The following COBLL1 variants were observed in gnomAD, a reference collection of about 807,000 sequenced individuals.
COBLL1 encodes cordon-bleu protein-like 1.
Under a neutral mutation model 94.8 loss-of-function variants are expected in COBLL1, and 50 were observed. That is an observed-to-expected ratio of 0.53 (90% confidence interval 0.42 to 0.67). The LOEUF (loss-of-function observed/expected upper bound fraction) is 0.67. Ranked by LOEUF, COBLL1 falls within the 30% of genes least tolerant of loss-of-function variation. The pLI is 0.00. For synonymous variants in COBLL1, 448 were observed against 473.8 expected (o/e 0.95, Z 0.71); for missense variants, 1,362 against 1,348.7 (o/e 1.01, Z -0.15).
chr2:164,834,790 T>A (rs939040543), intron 2 of COBLL1, among the ~76,000 whole-genome samples: 3 of 152,136 alleles, frequency 2.0e-5, no homozygotes, highest in African/African-American at 7.2e-5. Flanking sequence ...GGATAACAGA[T>A]TAACATCCAG....
chr2:164,663,592 A>T (rs1275941803), intron 2 of COBLL1, among the ~76,000 whole-genome samples: 1 of 152,242 alleles, frequency 6.6e-6, no homozygotes, highest in Non-Finnish European at 1.5e-5. Flanking sequence ...TATGTGGTAC[A>T]TATACACCAT....
At chr2:164,808,047 T>A (rs762955053) in intron 2 of COBLL1, among the ~76,000 whole-genome samples, 13 of 152,126 alleles carry the variant, frequency 8.5e-5, no homozygotes, top group Non-Finnish European at 1.8e-4. Flanking sequence ...CTTAAACTCC[T>A]TATCTCAAGT....
At chr2:164,688,636 C>A (rs1350039856) in intron 13 of COBLL1, among the ~76,000 whole-genome samples, 1 of 152,092 alleles carries the variant, frequency 6.6e-6, no homozygotes, top group Non-Finnish European at 1.5e-5. Context: ...ATAACAATTT[C>A]TATCATTTAC....
intron 2 of COBLL1, among the ~76,000 whole-genome samples, chr2:164,779,356 T>C (rs1688629562): frequency 6.6e-6 from 1 of 152,108 alleles, no homozygotes; most frequent in Non-Finnish European, 1.5e-5. Context: ...TCTCTCTTGA[T>C]AACTTGAAGG....
intron 3 of COBLL1, among the ~76,000 whole-genome samples, chr2:164,741,397 A>T (rs1005780915): frequency 2.0e-5 from 3 of 152,096 alleles, no homozygotes; most frequent in Admixed American, 1.3e-4. Flanking sequence ...GACTCCTTTA[A>T]TTTGACATTG....
At chr2:164,821,615 T>A (rs1011739808) in intron 2 of COBLL1, among the ~76,000 whole-genome samples, 1 of 152,188 alleles carries the variant, frequency 6.6e-6, no homozygotes, top group Non-Finnish European at 1.5e-5. Context: ...CAAGGCCTTT[T>A]CATTAGGAAC....
chr2:164,694,336 G>C lies in COBLL1; in HGVS notation c.3056C>G (p.Thr1019Arg). 1 of 1,613,928 alleles carries C rather than the reference G, an allele frequency of 6.2e-7. No homozygotes were observed. Among genetic ancestry groups the C allele is most frequent in the Non-Finnish European group, 8.5e-7 (1 of 1,179,894 alleles). Residue 1019 changes from threonine to arginine, a missense_variant, in exon 12 of 14, where the codon ACA (threonine) becomes AGA (arginine). By Grantham distance (71) the Thr-to-Arg change is moderately conservative. Transcript: ENST00000652658. ...TACAGAATGAGTCTTCCCTTCCTCT[G>C]TGTTGGCTGGAGGTTGGACCAATGC... is the stretch of plus-strand genomic sequence containing the variant. ...ASALVQPPAN[T>R]EEGKTHSVNK... is the part of the protein sequence containing the mutation.
In COBLL1 at chr2:164,779,836, G is replaced by C. The variant is rs911981540; in HGVS notation, c.42-35961C>G. 8 of 440,068 alleles carry C rather than the reference G, an allele frequency of 1.8e-5. 1 individual carries two copies. The highest frequency in any genetic ancestry group is 8.4e-5 in the South Asian group (5 of 59,878). The allele number at this position is 440,068 out of a possible 1,614,324, so 27.3% of individuals were successfully genotyped here. ...TGATAGCACTCTGCAAATTTAGACC[G>C]AACATTAAAGGGAGGGTAGGGAATG... is the stretch of plus-strand genomic sequence containing the variant. On this transcript the variant is annotated intron_variant, in intron 2 of 13. Transcript: ENST00000652658.
At position 164,730,068 on chromosome 2, in the gene COBLL1, A is replaced by G. The variant is rs1372125461; in HGVS notation, c.278T>C (p.Leu93Ser). 6.2e-7 allele frequency: 1 copy of G among 1,613,990 alleles called. No individual in the cohort carries two copies. The highest frequency in any genetic ancestry group is 1.7e-5 in the Admixed American group (1 of 60,004). ...ATCGATTGTGTAACTTGATGGATTT[A>G]AGTGATACTGTGCACAAAGGAATAT... ...LLIFLCAQYHLNPSSYTIDLL... is the reference protein window; with the variant it reads ...LLIFLCAQYHSNPSSYTIDLL... The change falls in exon 4 of 14, where the codon TTA becomes TCA. Residue 93 changes from leucine to serine, a missense_variant. Physicochemically the swap from Leu to Ser is moderately radical, Grantham distance 145. Coordinates refer to ENST00000652658, the MANE Select transcript of COBLL1 (RefSeq NM_001365672.2).
At chr2:164,740,134 A>G (rs967497832) in intron 3 of COBLL1, among the ~76,000 whole-genome samples, 8 of 152,192 alleles carry the variant, frequency 5.3e-5, no homozygotes, top group Admixed American at 5.2e-4. Context: ...CAAAGTCCCT[A>G]AATGAAACCC....
chr2:164,683,643 TA>T lies in COBLL1; in HGVS notation c.*2302del. Reference sequence around the variant, plus strand: ...TTCAGTCTTTCTTGGTTCCCACAGGTAACCACCAGCAAATTTTTTTCCTACA... The same window carrying T: ...TTCAGTCTTTCTTGGTTCCCACAGGTACCACCAGCAAATTTTTTTCCTACA... On this transcript the variant is annotated 3_prime_UTR_variant, in exon 14 of 14. Transcript: ENST00000652658. 6.6e-6 allele frequency: 1 copy of T among 152,294 alleles called. No individual in the cohort carries two copies. The highest frequency in any genetic ancestry group is 3.4e-3 in the Middle Eastern group (1 of 294). The allele number at this position is 152,294 out of a possible 1,614,324, so 9.4% of individuals were successfully genotyped here. A position where few individuals can be genotyped will look rare whatever the true frequency, so the allele number is the denominator to read the frequency against.
At chr2:164,660,765 C>T (rs1691057369) in intron 2 of COBLL1, among the ~76,000 whole-genome samples, 1 of 152,118 alleles carries the variant, frequency 6.6e-6, no homozygotes, top group African/African-American at 2.4e-5. Context: ...AATTTGCATC[C>T]ATTTTAACTA....
intron 1 of COBLL1, among the ~76,000 whole-genome samples, chr2:164,671,659 T>A (rs559409158): frequency 1.4e-4 from 22 of 152,176 alleles, no homozygotes; most frequent in Non-Finnish European, 2.8e-4. Flanking sequence ...TCATATTGCT[T>A]CCAGAGCTTT....
rs761837679 is a variant in COBLL1 at position 164,695,776 on chromosome 2, A to G, written c.1616T>C (p.Val539Ala). ...TTCTACATTGATTTCTGTTTTCTTC[A>G]CTCCATTTTTCATATTGTCTTCTGT... Reference protein sequence around the residue: ...ENTEDNMKNGVKKTEINVEGV... With the variant: ...ENTEDNMKNGAKKTEINVEGV... The change falls in exon 12 of 14, where the codon GTG becomes GCG. Residue 539 changes from valine to alanine, a missense_variant. By Grantham distance (64) the Val-to-Ala change is moderately conservative. Coordinates refer to ENST00000652658, the MANE Select transcript of COBLL1 (RefSeq NM_001365672.2). The G allele has an allele frequency of 3.1e-6, 5 of 1,610,872 alleles. No individual in the cohort carries two copies. The highest frequency in any genetic ancestry group is 4.2e-6 in the Non-Finnish European group (5 of 1,178,762).
At chr2:164,744,715 G>A (rs1686780356) in intron 2 of COBLL1, among the ~76,000 whole-genome samples, 1 of 152,080 alleles carries the variant, frequency 6.6e-6, no homozygotes, top group Admixed American at 6.6e-5. Flanking sequence ...GCACATAGAT[G>A]GCTATTTCCC....
intron 2 of COBLL1, among the ~76,000 whole-genome samples, chr2:164,777,251 T>C (rs355882): frequency 0.24 from 35,998 of 151,818 alleles, 5,025 homozygotes; most frequent in African/African-American, 0.38. Flanking sequence ...TACTATTGGT[T>C]TTATTTAAAA....
chr2:164,772,414 T>G (rs1481532353), intron 2 of COBLL1, among the ~76,000 whole-genome samples: 2 of 152,056 alleles, frequency 1.3e-5, no homozygotes, highest in African/African-American at 4.8e-5. Context: ...AGTCAATGAT[T>G]CTATTGACTA....
intron 12 of COBLL1, among the ~76,000 whole-genome samples, chr2:164,693,719 G>C (rs1683740570): frequency 6.6e-6 from 1 of 152,086 alleles, no homozygotes; most frequent in Non-Finnish European, 1.5e-5. Flanking sequence ...GGGGAATTAA[G>C]AAAATTACAT....
chr2:164,792,155 G>A lies in COBLL1; in HGVS notation c.42-48280C>T, dbSNP rs537207491. Among the ~76,000 whole-genome samples the A allele has an allele frequency of 1.5e-3, 220 of 151,636 alleles. 1 individual carries two copies. Among genetic ancestry groups the A allele is most frequent in the Non-Finnish European group, 2.6e-3 (177 of 67,902 alleles). ...ACTATTATTATCATTTTGAGACAGAGTCTCACTCTGTGGCCCAGGCTGGAG... is the reference window on the plus strand; with the variant it reads ...ACTATTATTATCATTTTGAGACAGAATCTCACTCTGTGGCCCAGGCTGGAG... On this transcript the variant is annotated intron_variant, in intron 2 of 13. Coordinates refer to ENST00000652658, the MANE Select transcript of COBLL1 (RefSeq NM_001365672.2).
Sources: gnomAD v4.1 joint callset for allele counts (sites outside exome capture counted in the v4.1 genomes callset) on GRCh38, gnomAD v4.1.1 for gene constraint, MANE v1.5 for transcripts, NCBI Gene and HGNC (gene_info 2026-07-23, HGNC 2026-07-21) for gene names.